Variants in ZNF333 observed in about 807,000 individuals in gnomAD.
ZNF333 encodes zinc finger protein 333.
In ZNF333, 61 loss-of-function variants were observed where a neutral mutation model predicts 76.1. The ratio of observed to expected loss-of-function variants is 0.80; its 90% CI spans 0.65 to 0.99. The LOEUF is 0.99. ZNF333 is among the 50% of genes least tolerant of loss of function. ZNF333 has a pLI of 0.00. For synonymous variants in ZNF333, 284 were observed against 305.0 expected (o/e 0.93, Z 0.72); for missense variants, 717 against 822.4 (o/e 0.87, Z 1.57).
chr19:14,692,977 C>A (rs1336815619), intron 1 of ZNF333, among the ~76,000 whole-genome samples: 1 of 151,760 alleles, frequency 6.6e-6, no homozygotes. Flanking sequence ...CAGGCGTTTG[C>A]CACCATGCCC....
At chr19:14,701,615 G>C in intron 5 of ZNF333, 3 of 985,426 alleles carry the variant, frequency 3.0e-6, no homozygotes, top group Non-Finnish European at 3.6e-6. Flanking sequence ...GAGAGAGGGA[G>C]GGAGAATGAG....
chr19:14,690,660 A>C (rs114923900), intron 1 of ZNF333, among the ~76,000 whole-genome samples: 1 of 152,236 alleles, frequency 6.6e-6, no homozygotes, highest in Non-Finnish European at 1.5e-5. Context: ...TGCATCCTCC[A>C]TTAAGGAATG....
intron 10 of ZNF333, 56 bp downstream of exon 10, chr19:14,717,145 G>A (rs573392885): frequency 6.8e-7 from 1 of 1,477,316 alleles, no homozygotes; most frequent in South Asian, 1.2e-5. Flanking sequence ...GGAGTGTCCA[G>A]TTTGGAAACT....
chr19:14,710,218 G>A (rs148187179), intron 7 of ZNF333, among the ~76,000 whole-genome samples: 231 of 152,352 alleles, frequency 1.5e-3, no homozygotes, highest in Non-Finnish European at 2.4e-3. Flanking sequence ...ACGTGTTTAG[G>A]TGAGTGGTGC....
intron 5 of ZNF333, 42 bp downstream of exon 5, chr19:14,699,323 A>G (rs1320951316): frequency 8.4e-6 from 13 of 1,555,284 alleles, no homozygotes; most frequent in Non-Finnish European, 9.8e-6. Flanking sequence ...GCATGGGAGA[A>G]GTTGAGGAAC....
chr19:14,703,068 G>T (rs1272945614), intron 5 of ZNF333, among the ~76,000 whole-genome samples: 2 of 151,840 alleles, frequency 1.3e-5, no homozygotes, highest in African/African-American at 2.4e-5. Flanking sequence ...GCCGGGCGTG[G>T]TGGCGGGCGC....
chr19:14,731,321 C>T (rs2042669480), exon 12 of ZNF333: 2 of 870,644 alleles, frequency 2.3e-6, no homozygotes, highest in African/African-American at 1.7e-5. Flanking sequence ...GGTCAGTGGC[C>T]TTGGACTTTC....
chr19:14,725,148 T>A (rs1218120912), downstream of ZNF333, among the ~76,000 whole-genome samples: 4 of 152,052 alleles, frequency 2.6e-5, no homozygotes, highest in East Asian at 7.7e-4. Flanking sequence ...ATGATGAGAA[T>A]GGGAGCGAGC....
intron 7 of ZNF333, 155 bp from the exon 8 acceptor site, chr19:14,715,227 G>A (rs1221401367): frequency 3.2e-6 from 2 of 617,808 alleles, no homozygotes; most frequent in African/African-American, 1.8e-5. Context: ...GCAAGAGCTT[G>A]CAGATATGTG....
intron 4 of ZNF333, among the ~76,000 whole-genome samples, chr19:14,696,584 C>T (rs1973209924): frequency 1.3e-5 from 2 of 151,978 alleles, no homozygotes; most frequent in African/African-American, 2.4e-5. Flanking sequence ...TGGTAAGGGC[C>T]TTCTTGCAGC....
In ZNF333 at chr19:14,718,950, GGTCTTGAGTC is replaced by G. The variant is rs1212405876; in HGVS notation, c.1629_1638del (p.Leu543PhefsTer4). On this transcript the variant is annotated frameshift_variant, in exon 12 of 12. Transcript: ENST00000292530. LOFTEE classifies it high-confidence loss of function. ...TGTATGAGTGCGCGACTTGCGGTCA[GGTCTTGAGTC>G]GTCTTTCAACCCTGAAGAGTCACAT... 1.2e-6 allele frequency: 2 copies of G among 1,612,680 alleles called. No homozygotes were observed. The highest frequency in any genetic ancestry group is 1.7e-6 in the Non-Finnish European group (2 of 1,179,692).
At chr19:14,711,384 A>C (rs975986059) in intron 7 of ZNF333, among the ~76,000 whole-genome samples, 1 of 152,092 alleles carries the variant, frequency 6.6e-6, no homozygotes, top group Non-Finnish European at 1.5e-5. Flanking sequence ...TCTGCACAGT[A>C]GGGAAGTGAG....
At chr19:14,693,560 C>G in intron 2 of ZNF333, 66 bp downstream of exon 2, 2 of 1,527,556 alleles carry the variant, frequency 1.3e-6, no homozygotes, top group Non-Finnish European at 1.8e-6. Context: ...TCCTCTGGGC[C>G]CTGTCTTCTC....
downstream of ZNF333, among the ~76,000 whole-genome samples, chr19:14,723,304 C>T (rs1054589598): frequency 1.3e-5 from 2 of 152,078 alleles, no homozygotes; most frequent in Non-Finnish European, 2.9e-5. Context: ...ATGCCATTAC[C>T]GTATTGTGTT....
chr19:14,693,597 G>T, intron 2 of ZNF333, 103 bp downstream of exon 2: 1 of 1,376,830 alleles, frequency 7.3e-7, no homozygotes, highest in Non-Finnish European at 9.9e-7. Context: ...CCCAACTGAG[G>T]AAGAAAGGGA....
At chr19:14,729,152 A>G (rs2042652223) in intron 11 of ZNF333, among the ~76,000 whole-genome samples, 1 of 152,206 alleles carries the variant, frequency 6.6e-6, no homozygotes, top group South Asian at 2.1e-4. Flanking sequence ...AGGCATAGAG[A>G]CAAGGAAGTT....
rs1284501936 is a variant in ZNF333 at position 14,720,177 on chromosome 19, C to G, written c.*852C>G. On this transcript the variant is annotated 3_prime_UTR_variant, in exon 12 of 12. Coordinates refer to ENST00000292530, the MANE Select transcript of ZNF333 (RefSeq NM_032433.4). ...CTCCAGCCTGGGCAACAGAGTGAAA[C>G]TCTGTCTCAAAAATAATAATAATAA... The G allele has an allele frequency of 1.3e-5, 13 of 977,712 alleles. No homozygotes were observed. The Admixed American group carries it at 6.8e-4, about 51-fold the overall frequency. 60.6% of individuals were successfully genotyped at this position (977,712 alleles called of 1,614,324 possible).
intron 7 of ZNF333, among the ~76,000 whole-genome samples, chr19:14,711,948 G>A (rs2042288881): frequency 6.6e-6 from 1 of 152,052 alleles, no homozygotes; most frequent in African/African-American, 2.4e-5. Flanking sequence ...TTCTACAGGG[G>A]AGGAGACCTC....
Position 14,716,893 on chromosome 19 carries a change from C to T in ZNF333, c.728-101C>T, listed in dbSNP as rs1475054035. The T allele has an allele frequency of 6.7e-6, 7 of 1,039,730 alleles. No individual in the cohort carries two copies. In the East Asian group the frequency reaches 1.9e-4, roughly 29 times the overall value. 64.4% of individuals were successfully genotyped at this position (1,039,730 alleles called of 1,614,324 possible). On this transcript the variant is annotated intron_variant, in intron 9 of 11. Coordinates refer to ENST00000292530, the MANE Select transcript of ZNF333 (RefSeq NM_032433.4). ...TCAGAATTTAGGCACATGCATTTTG[C>T]CACTCCCATCTCTAGAGCCCCTAAA...
Sources: allele counts gnomAD v4.1 joint callset (sites outside exome capture counted in the v4.1 genomes callset), GRCh38; gene constraint gnomAD v4.1.1; transcripts MANE v1.5; gene names NCBI Gene and HGNC (gene_info 2026-07-23, HGNC 2026-07-21).